The following KIRREL1 variants were observed in gnomAD, a reference collection of about 807,000 sequenced individuals.
KIRREL1 encodes the protein kin of IRRE-like protein 1.
In KIRREL1, 25 loss-of-function variants were observed where a neutral mutation model predicts 83.3. The observed-to-expected ratio is 0.30, with a 90% CI of 0.22 to 0.42. The LOEUF (loss-of-function observed/expected upper bound fraction) is 0.42, where lower values mean the gene tolerates loss of function less well. KIRREL1 is among the 10% of genes least tolerant of loss of function. KIRREL1 has a pLI of 1.00. For missense variants in KIRREL1, 812 were observed against 1,032.3 expected (o/e 0.79, Z 2.92); for synonymous variants, 388 against 410.4 (o/e 0.95, Z 0.66).
chr1:158,010,898 A>G (rs1054184040), intron 1 of KIRREL1, among the ~76,000 whole-genome samples: 30 of 152,324 alleles, frequency 2.0e-4, no homozygotes, highest in African/African-American at 6.7e-4. Context: ...AAGGGAGGAG[A>G]GAGAGAGAGA....
rs552518018 is a variant in KIRREL1 at position 158,088,750 on chromosome 1, C to T, written c.1044+296C>T. Among the ~76,000 whole-genome samples, 906 of 152,240 alleles carry T rather than the reference C, an allele frequency of 6.0e-3. 6 individuals are homozygous for T. Among genetic ancestry groups the T allele is most frequent in the African/African-American group, 0.02 (850 of 41,538 alleles). On this transcript the variant is annotated intron_variant, in intron 8 of 14. Transcript: ENST00000359209. ...CCGCCCGCCTCGGCCTCCCAAAGTGCTGGGATTACAGGCGTGAGCCACCGC... is the reference window on the plus strand; with the variant it reads ...CCGCCCGCCTCGGCCTCCCAAAGTGTTGGGATTACAGGCGTGAGCCACCGC...
In KIRREL1 at chr1:158,094,414, G is replaced by C. The variant is rs371553417; in HGVS notation, c.1797+24G>C. The C allele has an allele frequency of 6.2e-7, 1 of 1,607,072 alleles. No individual in the cohort carries two copies. Among genetic ancestry groups the C allele is most frequent in the South Asian group, 1.1e-5 (1 of 90,210 alleles). ...AGGTGGGAAAGGGGGAAGGGGCCAG[G>C]GCATGAGGGCTGGTGGGCCAGTGGG... On this transcript the variant is annotated intron_variant, in intron 14 of 14. Coordinates refer to ENST00000359209, the MANE Select transcript of KIRREL1 (RefSeq NM_018240.7). The surrounding 1 kb of genome is among the most constrained non-coding windows in gnomAD (Gnocchi z 4.6).
intron 1 of KIRREL1, among the ~76,000 whole-genome samples, chr1:158,038,309 G>T (rs1335752610): frequency 6.6e-6 from 1 of 152,150 alleles, no homozygotes; most frequent in South Asian, 2.1e-4. Context: ...TCACTGTAAT[G>T]AGGCTTTGCT....
chr1:158,082,402 G>A (rs1661889026), intron 3 of KIRREL1, among the ~76,000 whole-genome samples: 1 of 151,862 alleles, frequency 6.6e-6, no homozygotes, highest in Non-Finnish European at 1.5e-5. Flanking sequence ...TTTGAAACCA[G>A]GCAGTCTGAA....
chr1:158,007,809 GC>G (rs1659561761), intron 1 of KIRREL1, among the ~76,000 whole-genome samples: 1 of 151,980 alleles, frequency 6.6e-6, no homozygotes, highest in African/African-American at 2.4e-5. Flanking sequence ...TCCACCAGCA[GC>G]CCCTGTGCCC....
chr1:158,029,337 C>CTGTGTG (rs60980289), intron 1 of KIRREL1, among the ~76,000 whole-genome samples: 1,930 of 69,308 alleles, frequency 0.028, 26 homozygotes, highest in Admixed American at 0.036. Flanking sequence ...TAACAAAAAC[C>CTGTGTG]TGTGTGTGTG....
At chr1:158,078,586 T>A (rs1661754959) in intron 3 of KIRREL1, among the ~76,000 whole-genome samples, 1 of 151,988 alleles carries the variant, frequency 6.6e-6, no homozygotes, top group Admixed American at 6.6e-5. Context: ...TCCTTCCACC[T>A]CACCCTAGCC....
At chr1:158,093,570 C>A in intron 12 of KIRREL1, 53 bp from the exon 13 acceptor site, 1 of 1,611,262 alleles carries the variant, frequency 6.2e-7, no homozygotes, top group Non-Finnish European at 8.5e-7. Context: ...CAGAAGCAGC[C>A]GCTGCAGAGA....
intron 1 of KIRREL1, among the ~76,000 whole-genome samples, chr1:157,994,380 G>C (rs1659130962): frequency 7.3e-6 from 1 of 136,354 alleles, no homozygotes; most frequent in Admixed American, 7.4e-5. Context: ...AGGCCCGCTT[G>C]ATACAGAGGG....
At chr1:158,080,133 G>C (rs111662162) in intron 3 of KIRREL1, among the ~76,000 whole-genome samples, 4 of 152,068 alleles carry the variant, frequency 2.6e-5, no homozygotes, top group African/African-American at 9.7e-5. Context: ...CAAGTATTCC[G>C]AGGAACCGTG....
chr1:158,036,517 C>T (rs910686636), intron 1 of KIRREL1, among the ~76,000 whole-genome samples: 1 of 152,140 alleles, frequency 6.6e-6, no homozygotes, highest in Non-Finnish European at 1.5e-5. Context: ...GAGAGCAATT[C>T]GAGAGGGCTT....
intron 1 of KIRREL1, among the ~76,000 whole-genome samples, chr1:158,026,872 C>G (rs1190452895): frequency 1.3e-5 from 2 of 152,274 alleles, no homozygotes; most frequent in African/African-American, 4.8e-5. Context: ...TGCACCCCCC[C>G]ACCCCCTACA....
intron 6 of KIRREL1, 63 bp from the exon 7 acceptor site, chr1:158,087,943 G>C (rs887203498): frequency 6.2e-7 from 1 of 1,609,992 alleles, no homozygotes; most frequent in Non-Finnish European, 8.5e-7. Context: ...GAGGCCAGGT[G>C]TCATGGATGT....
At chr1:158,073,275 T>C (rs1661571525) in intron 1 of KIRREL1, among the ~76,000 whole-genome samples, 1 of 152,166 alleles carries the variant, frequency 6.6e-6, no homozygotes, top group Non-Finnish European at 1.5e-5. Flanking sequence ...CTGGACTGAA[T>C]TGCTTCAGTC....
intron 10 of KIRREL1, among the ~76,000 whole-genome samples, chr1:158,090,437 C>T (rs962351898): frequency 6.6e-6 from 1 of 152,166 alleles, no homozygotes; most frequent in Non-Finnish European, 1.5e-5. Flanking sequence ...ACTGTCAAAC[C>T]CCTCATCACA....
chr1:158,080,332 A>C (rs1467903098), intron 3 of KIRREL1, among the ~76,000 whole-genome samples: 4 of 152,214 alleles, frequency 2.6e-5, no homozygotes. Flanking sequence ...TAAGTGTTGC[A>C]GTAACAATGT....
In KIRREL1 at chr1:158,097,155, C is replaced by T. The variant is rs201152298; in HGVS notation, c.*2035C>T. On this transcript the variant is annotated 3_prime_UTR_variant, in exon 15 of 15. Coordinates refer to ENST00000359209, the MANE Select transcript of KIRREL1 (RefSeq NM_018240.7). The stretch of plus-strand genomic sequence containing the variant: ...TGTATTCCATCCCTGGAAGCTGATA[C>T]CTTTCTATAGAGTCCTTTTATGAGA... 2.3e-3 allele frequency: 1,026 copies of T among 444,766 alleles called. 3 individuals are homozygous for T. The highest frequency in any genetic ancestry group is 0.013 in the Middle Eastern group (36 of 2,790). The allele number at this position is 444,766 out of a possible 1,614,324, so 27.6% of individuals were successfully genotyped here.
chr1:158,023,836 T>C (rs1194814136), intron 1 of KIRREL1, among the ~76,000 whole-genome samples: 3 of 152,246 alleles, frequency 2.0e-5, no homozygotes, highest in Admixed American at 2.0e-4. Context: ...AAAGAAAACG[T>C]TAAGTTATTG....
At chr1:157,997,283 G>GT (rs1342223319) in intron 1 of KIRREL1, among the ~76,000 whole-genome samples, 1 of 152,198 alleles carries the variant, frequency 6.6e-6, no homozygotes, top group African/African-American at 2.4e-5. Context: ...GAGGATGGAA[G>GT]TAATACCTCA....
Sources: gnomAD v4.1 joint callset for allele counts (sites outside exome capture counted in the v4.1 genomes callset) on GRCh38, gnomAD v4.1.1 for gene constraint, Gnocchi (gnomAD v3.1) non-coding constraint, MANE v1.5 for transcripts, NCBI Gene and HGNC (gene_info 2026-07-23, HGNC 2026-07-21) for gene names.